FAIM2: variants seen among roughly 807,000 people sequenced by gnomAD.
FAIM2 encodes Fas apoptotic inhibitory molecule 2.
In FAIM2, 27 loss-of-function variants were observed where a neutral mutation model predicts 47.4. The ratio of observed to expected loss-of-function variants is 0.57; its 90% CI spans 0.42 to 0.78. The LOEUF (loss-of-function observed/expected upper bound fraction) is 0.78, where lower values mean the gene tolerates loss of function less well. Ranked by LOEUF, FAIM2 falls within the 30% of genes least tolerant of loss-of-function variation. The pLI, the probability that FAIM2 is intolerant of heterozygous loss-of-function variation, is 0.00. For missense variants in FAIM2, 311 were observed against 389.4 expected (o/e 0.80, Z 1.69); for synonymous variants, 156 against 159.3 (o/e 0.98, Z 0.16).
At chr12:49,878,304 G>A (rs1214259704) in intron 11 of FAIM2, among the ~76,000 whole-genome samples, 2 of 134,978 alleles carry the variant, frequency 1.5e-5, no homozygotes, top group African/African-American at 2.8e-5. Flanking sequence ...ATGGGTGTAT[G>A]TGCATGCGTG....
At chr12:49,892,208 C>T (rs1268379968) in intron 5 of FAIM2, among the ~76,000 whole-genome samples, 1 of 152,102 alleles carries the variant, frequency 6.6e-6, no homozygotes, top group East Asian at 1.9e-4. Context: ...TCATGTGGTG[C>T]TACTTGCCCT....
intron 11 of FAIM2, among the ~76,000 whole-genome samples, chr12:49,880,881 A>AGTGTGTGTGT (rs56101227): frequency 1.2e-3 from 177 of 150,960 alleles, no homozygotes; most frequent in African/African-American, 3.6e-3. Flanking sequence ...CGTGAATGTG[A>AGTGTGTGTGT]GTGTGTGTGT....
chr12:49,896,473 C>T (rs952491574), intron 5 of FAIM2, among the ~76,000 whole-genome samples: 5 of 152,178 alleles, frequency 3.3e-5, no homozygotes, highest in African/African-American at 9.7e-5. Context: ...CCAGTTCTAC[C>T]GCTGACTAGC....
chr12:49,897,912 G>C, intron 3 of FAIM2, 75 bp downstream of exon 3: 1 of 1,124,622 alleles, frequency 8.9e-7, no homozygotes. Flanking sequence ...TGCAGGCAGA[G>C]GGTTGGGCCA....
chr12:49,872,538 T>C (rs542482829), intron 11 of FAIM2, among the ~76,000 whole-genome samples: 1 of 152,244 alleles, frequency 6.6e-6, no homozygotes, highest in Admixed American at 6.5e-5. Context: ...GACTTTAGAG[T>C]TGCTATAGAC....
At chr12:49,896,926 T>TG (rs1476197112) in intron 5 of FAIM2, 105 bp downstream of exon 5, 2 of 909,780 alleles carry the variant, frequency 2.2e-6, no homozygotes, top group East Asian at 4.8e-5. Context: ...CCTGTGGGGC[T>TG]GGGGGAAGCT....
intron 5 of FAIM2, among the ~76,000 whole-genome samples, chr12:49,893,755 G>T (rs1366690144): frequency 6.6e-6 from 1 of 152,172 alleles, no homozygotes; most frequent in Non-Finnish European, 1.5e-5. Context: ...GGTGCCAGGG[G>T]CTGCTGAACA....
chr12:49,891,984 T>G (rs1250474137), intron 5 of FAIM2, among the ~76,000 whole-genome samples: 1 of 152,016 alleles, frequency 6.6e-6, no homozygotes, highest in Non-Finnish European at 1.5e-5. Context: ...AATGCATAGT[T>G]TCCAACCCCC....
rs1946719920 is a variant in FAIM2, at chr12:49,874,046, T to C, written c.802-3393A>G. ...ATGGAAAGCATTGTTAACTAATGTC[T>C]TGGTTGAGAGCAGGTATCTTGGTTA... On this transcript the variant is annotated intron_variant, in intron 11 of 11. Transcript: ENST00000320634. The surrounding 1 kb of genome is among the most constrained non-coding windows in gnomAD (Gnocchi z 4.2). Among the ~76,000 whole-genome samples, 1 of 152,208 alleles carries C rather than the reference T, an allele frequency of 6.6e-6. No homozygotes were observed. The highest frequency in any genetic ancestry group is 6.5e-5 in the Admixed American group (1 of 15,288).
chr12:49,878,096 G>A (rs1946753342), intron 11 of FAIM2, among the ~76,000 whole-genome samples: 1 of 106,256 alleles, frequency 9.4e-6, no homozygotes, highest in Non-Finnish European at 2.0e-5. Flanking sequence ...GTGAGTGCAT[G>A]TGTGTGCATG....
At chr12:49,873,532 A>T (rs1946716575) in intron 11 of FAIM2, among the ~76,000 whole-genome samples, 1 of 152,124 alleles carries the variant, frequency 6.6e-6, no homozygotes, top group Non-Finnish European at 1.5e-5. Context: ...TTCAATCAGT[A>T]GCTTGCTTGG....
At chr12:49,879,608 ATG>A (rs1266144088) in intron 11 of FAIM2, among the ~76,000 whole-genome samples, 6 of 147,254 alleles carry the variant, frequency 4.1e-5, no homozygotes, top group Admixed American at 6.7e-5. Flanking sequence ...ATGCGAGTGT[ATG>A]TGTGTGCATG....
At position 49,869,184 on chromosome 12, in the gene FAIM2, C is replaced by T. The variant is rs544071225; in HGVS notation, c.*1320G>A. 1.2e-3 allele frequency: 184 copies of T among 153,028 alleles called. No homozygotes were observed. Among genetic ancestry groups the T allele is most frequent in the Non-Finnish European group, 2.4e-3 (166 of 68,438 alleles). 9.5% of individuals were successfully genotyped at this position (153,028 alleles called of 1,614,324 possible). A position where few individuals can be genotyped will look rare whatever the true frequency, so the allele number is the denominator to read the frequency against. On this transcript the variant is annotated 3_prime_UTR_variant, in exon 12 of 12. Transcript: ENST00000320634. ...TGGTTCCCTCCCCACAGGCGCCCCT[C>T]TGGGGGTTGGAGGGCTGACGCACAC... is the stretch of plus-strand genomic sequence containing the variant.
In FAIM2 at chr12:49,867,797, C is replaced by G. The variant is rs1040802225; in HGVS notation, c.*2707G>C. On this transcript the variant is annotated 3_prime_UTR_variant, in exon 12 of 12. Transcript: ENST00000320634. ...TCCCCTGCCCTTCCTACTTCTGACGCCTCTCCTGGTGTTTCAGGATTCCTC... is the reference window on the plus strand; with the variant it reads ...TCCCCTGCCCTTCCTACTTCTGACGGCTCTCCTGGTGTTTCAGGATTCCTC... The G allele has an allele frequency of 2.0e-4, 31 of 152,604 alleles. No homozygotes were observed. Among genetic ancestry groups the G allele is most frequent in the Admixed American group, 2.0e-3 (31 of 15,276 alleles). The allele number at this position is 152,604 out of a possible 1,614,324, so 9.5% of individuals were successfully genotyped here.
At chr12:49,896,436 C>A (rs1171864527) in intron 5 of FAIM2, among the ~76,000 whole-genome samples, 1 of 152,152 alleles carries the variant, frequency 6.6e-6, no homozygotes, top group Admixed American at 6.5e-5. Context: ...AGAGCACAAG[C>A]CTTAACCTGA....
chr12:49,889,797 G>C (rs1448198095), intron 8 of FAIM2, among the ~76,000 whole-genome samples: 2 of 152,196 alleles, frequency 1.3e-5, no homozygotes, highest in Non-Finnish European at 2.9e-5. Flanking sequence ...GATGAGGTGG[G>C]AGTGGGAGTG....
rs1243001824 is a variant in FAIM2, at chr12:49,889,170, G to A, written c.684C>T (p.Phe228=). 13 of 1,612,334 alleles carry A rather than the reference G, an allele frequency of 8.1e-6. No individual in the cohort carries two copies. The highest frequency in any genetic ancestry group is 1.7e-5 in the Admixed American group (1 of 59,806). Residue 228 remains phenylalanine, a synonymous_variant, in exon 10 of 12, where the codon TTC becomes TTT. Transcript: ENST00000320634. ...TGAAGAAAAGAGTCATGAGAAGCACGAAGAGCACGCCCTGGCAGGAGGTGA... is the reference window on the plus strand; with the variant it reads ...TGAAGAAAAGAGTCATGAGAAGCACAAAGAGCACGCCCTGGCAGGAGGTGA... ...FDFTSCQGVL[F]VLLMTLFFSG...
intron 11 of FAIM2, among the ~76,000 whole-genome samples, chr12:49,872,146 C>A (rs907049087): frequency 1.1e-4 from 17 of 152,204 alleles, no homozygotes; most frequent in African/African-American, 3.9e-4. Context: ...AAACACAAAG[C>A]CGTGCCTGCC....
chr12:49,879,244 GTGTGTGCATGTGTGTA>G lies in FAIM2; in HGVS notation c.801+8126_801+8141del, dbSNP rs1355270979. Among the ~76,000 whole-genome samples the G allele has an allele frequency of 6.1e-5, 7 of 115,370 alleles. No individual in the cohort carries two copies. The East Asian group carries it at 1.3e-3, about 22-fold the overall frequency. 75.7% of individuals were successfully genotyped at this position (115,370 alleles called of 152,430 possible). On this transcript the variant is annotated intron_variant, in intron 11 of 11. Coordinates refer to ENST00000320634, the MANE Select transcript of FAIM2 (RefSeq NM_012306.4). Reference sequence around the variant, plus strand: ...TGCATGTGTGTATGTATGCATGCATGTGTGTGCATGTGTGTATGTGTGCATGTGTATATGTGTGTAT... The same window carrying G: ...TGCATGTGTGTATGTATGCATGCATGTGTGTGCATGTGTATATGTGTGTAT...
Sources: gnomAD v4.1 joint callset for allele counts (sites outside exome capture counted in the v4.1 genomes callset) on GRCh38, gnomAD v4.1.1 for gene constraint, Gnocchi (gnomAD v3.1) non-coding constraint, MANE v1.5 for transcripts, NCBI Gene and HGNC (gene_info 2026-07-23, HGNC 2026-07-21) for gene names.